DCSTAMP: variants seen among roughly 807,000 people sequenced by gnomAD.
DCSTAMP encodes the protein dendrocyte expressed seven transmembrane protein, also known as dendritic cell-specific transmembrane protein.
A neutral mutation model predicts 33.8 loss-of-function variants in DCSTAMP; 25 were observed. The ratio of observed to expected loss-of-function variants is 0.74; its 90% CI spans 0.54 to 1.03. DCSTAMP has a LOEUF of 1.03. DCSTAMP is among the 50% of genes least tolerant of loss of function. The probability of loss-of-function intolerance (pLI) is 0.00; values close to 1 mark genes in which losing one functional copy is unlikely to be tolerated. For missense variants in DCSTAMP, 531 were observed against 556.8 expected (o/e 0.95, Z 0.47); for synonymous variants, 245 against 216.7 (o/e 1.13, Z -1.15).
intron 2 of DCSTAMP, among the ~76,000 whole-genome samples, chr8:104,351,368 C>T (rs570185110): frequency 6.6e-6 from 1 of 152,278 alleles, no homozygotes; most frequent in East Asian, 1.9e-4. Context: ...CTAGCCCAGG[C>T]TGGCAAAAAT....
intron 3 of DCSTAMP, 75 bp downstream of exon 3, chr8:104,355,260 G>A (rs559678636): frequency 4.1e-5 from 60 of 1,470,288 alleles, no homozygotes; most frequent in East Asian, 9.2e-5. Context: ...AGGGGACTTC[G>A]AAGCATTTAA....
chr8:104,348,445 CCA>C (rs898865722), intron 1 of DCSTAMP, 94 bp from the exon 2 acceptor site: 1 of 1,257,432 alleles, frequency 8.0e-7, no homozygotes, highest in Non-Finnish European at 1.1e-6. Context: ...AGAATTATGG[CCA>C]CGTTTTTTGT....
At chr8:104,345,536 G>A (rs2251930) in intron 1 of DCSTAMP, among the ~76,000 whole-genome samples, 102,388 of 152,098 alleles carry the variant, frequency 0.67, 34,908 homozygotes, top group Middle Eastern at 0.79. Flanking sequence ...TTAAGAAAAC[G>A]TGTTCTTCTT....
In DCSTAMP at chr8:104,356,232, A is replaced by G. The variant is rs771680242; in HGVS notation, c.*34A>G. On this transcript the variant is annotated 3_prime_UTR_variant, in exon 4 of 4. Transcript: ENST00000297581. ...GACTACTCCTCAGCCACATCGCACC[A>G]ACAATTCTCTTCAGGTCTAGGATGG... The G allele has an allele frequency of 6.3e-7, 1 of 1,594,480 alleles. No individual in the cohort carries two copies.
At chr8:104,342,997 G>T (rs769196444) in intron 1 of DCSTAMP, among the ~76,000 whole-genome samples, 5 of 152,232 alleles carry the variant, frequency 3.3e-5, no homozygotes, top group African/African-American at 4.8e-5. Context: ...TGCTGGCAGA[G>T]GAGGGGAGGA....
chr8:104,339,940 G>A (rs916049581), intron 1 of DCSTAMP, 78 bp downstream of exon 1: 19 of 152,220 alleles, frequency 1.2e-4, no homozygotes, highest in African/African-American at 4.6e-4. Flanking sequence ...AAACAATTGT[G>A]ACCAGAGCAT....
chr8:104,340,394 C>T (rs2099382582), intron 1 of DCSTAMP: 1 of 152,198 alleles, frequency 6.6e-6, no homozygotes, highest in African/African-American at 2.4e-5. Context: ...AGCTCCTGCT[C>T]AAGCTATTTT....
intron 1 of DCSTAMP, among the ~76,000 whole-genome samples, chr8:104,342,142 G>C (rs766876412): frequency 6.6e-6 from 1 of 152,148 alleles, no homozygotes; most frequent in East Asian, 1.9e-4. Context: ...GAGGTATAGA[G>C]GAAAACCTTT....
intron 1 of DCSTAMP, among the ~76,000 whole-genome samples, chr8:104,342,079 C>T (rs2099382985): frequency 6.6e-6 from 1 of 152,110 alleles, no homozygotes; most frequent in African/African-American, 2.4e-5. Flanking sequence ...TCTGTAAGCA[C>T]AAGAGAGGGG....
At chr8:104,347,502 A>C (rs1366161534) in intron 1 of DCSTAMP, among the ~76,000 whole-genome samples, 1 of 152,250 alleles carries the variant, frequency 6.6e-6, no homozygotes, top group South Asian at 2.1e-4. Flanking sequence ...GGGTTCAACT[A>C]TTAAGGCTTA....
chr8:104,350,695 T>C (rs140275988), intron 2 of DCSTAMP, among the ~76,000 whole-genome samples: 195 of 152,342 alleles, frequency 1.3e-3, no homozygotes, highest in African/African-American at 4.4e-3. Context: ...TGAGCATGCC[T>C]GTGATTTCAA....
chr8:104,345,568 A>G (rs1810286069), intron 1 of DCSTAMP, among the ~76,000 whole-genome samples: 1 of 152,252 alleles, frequency 6.6e-6, no homozygotes, highest in Non-Finnish European at 1.5e-5. Flanking sequence ...TTGCAGTCGT[A>G]TATCTTCTTT....
chr8:104,346,984 T>C (rs1810331595), intron 1 of DCSTAMP, among the ~76,000 whole-genome samples: 1 of 152,252 alleles, frequency 6.6e-6, no homozygotes, highest in Non-Finnish European at 1.5e-5. Flanking sequence ...AGGGATTTAT[T>C]TGAGATTGTT....
Position 104,356,178 on chromosome 8 carries a change from G to A in DCSTAMP, c.1393G>A (p.Ala465Thr). 1.2e-6 allele frequency: 2 copies of A among 1,612,724 alleles called. No individual in the cohort carries two copies. Among genetic ancestry groups the A allele is most frequent in the South Asian group, 1.1e-5 (1 of 90,826 alleles). Residue 465 changes from alanine to threonine, a missense_variant, in exon 4 of 4, where the codon GCA becomes ACA. Ala to Thr is a moderately conservative substitution (Grantham distance 58, BLOSUM62 0). Transcript: ENST00000297581. ...KMIRKKQMDM[A>T]SADKS Reference sequence around the variant, plus strand: ...GATTAGGAAGAAGCAAATGGACATGGCAAGTGCAGACAAGTCATGAGAGAC... The same window carrying A: ...GATTAGGAAGAAGCAAATGGACATGACAAGTGCAGACAAGTCATGAGAGAC...
In DCSTAMP at chr8:104,345,627, T is replaced by A. The variant is rs529419007; in HGVS notation, c.-12-2914T>A. Among the ~76,000 whole-genome samples the A allele has an allele frequency of 1.9e-3, 297 of 152,340 alleles. 2 individuals carry two copies. The highest frequency in any genetic ancestry group is 4.0e-3 in the Non-Finnish European group (270 of 68,030). ...GAACGTTAAAATGTTAATGTGTCCA[T>A]AAATCTTTTTCATACTTTCAGAAAA... On this transcript the variant is annotated intron_variant, in intron 1 of 3. Transcript: ENST00000297581.
In DCSTAMP at chr8:104,348,411, AG is replaced by A. The variant is rs1286745119; in HGVS notation, c.-12-127del. The A allele has an allele frequency of 5.8e-6, 5 of 857,932 alleles. No homozygotes were observed. In the African/African-American group the frequency reaches 8.5e-5, roughly 15 times the overall value. The allele number at this position is 857,932 out of a possible 1,614,324, so 53.1% of individuals were successfully genotyped here. ...AAAGAAGCTGTAAAGTCATATTTCA[AG>A]GGAGAGGACACAGGAAGAGTAAAGA... On this transcript the variant is annotated intron_variant, in intron 1 of 3. Coordinates refer to ENST00000297581, the MANE Select transcript of DCSTAMP (RefSeq NM_030788.4).
At position 104,356,156 on chromosome 8, in the gene DCSTAMP, T is replaced by C; in HGVS notation, c.1371T>C (p.Ile457=). ...TCTGGCTTCCAGTCCTGAAAATGAT[T>C]AGGAAGAAGCAAATGGACATGGCAA... is the stretch of plus-strand genomic sequence containing the variant. The part of the protein sequence containing the change: ...IHFWLPVLKM[I]RKKQMDMASA... The change falls in exon 4 of 4, where the codon ATT becomes ATC. Residue 457 remains isoleucine (I), a synonymous_variant. Coordinates refer to ENST00000297581, the MANE Select transcript of DCSTAMP (RefSeq NM_030788.4). The C allele has an allele frequency of 6.2e-7, 1 of 1,612,536 alleles. No homozygotes were observed. The highest frequency in any genetic ancestry group is 1.7e-4 in the Middle Eastern group (1 of 6,058).
intron 1 of DCSTAMP, among the ~76,000 whole-genome samples, chr8:104,344,348 A>C (rs1215305905): frequency 1.3e-5 from 2 of 152,058 alleles, no homozygotes; most frequent in Non-Finnish European, 2.9e-5. Context: ...AAGTAATTAA[A>C]TTTATTAATT....
Position 104,355,232 on chromosome 8 carries a change from T to C in DCSTAMP, c.1338+47T>C, listed in dbSNP as rs747153655. On this transcript the variant is annotated intron_variant, in intron 3 of 3. Transcript: ENST00000297581. ...AACCTCCAATTGAGGAAGTGTTGAG[T>C]TTGGAGGGAAATGGGAAAGGGGACT... 3.9e-6 allele frequency: 6 copies of C among 1,558,088 alleles called. No individual in the cohort carries two copies. In the African/African-American group the frequency reaches 6.9e-5, roughly 18 times the overall value.
Sources: allele counts gnomAD v4.1 joint callset (sites outside exome capture counted in the v4.1 genomes callset), GRCh38; gene constraint gnomAD v4.1.1; transcripts MANE v1.5; gene names NCBI Gene and HGNC (gene_info 2026-07-23, HGNC 2026-07-21).